Variants in FBXL17 observed in about 807,000 individuals in gnomAD.
The protein encoded by FBXL17 is F-box and leucine rich repeat protein 17.
FBXL17 carries 22 observed loss-of-function variants against 66.2 expected under a neutral mutation model. The observed-to-expected ratio is 0.33, with a 90% CI of 0.24 to 0.47. The LOEUF is 0.47. FBXL17 is among the 20% of genes least tolerant of loss of function. The probability of loss-of-function intolerance (pLI) is 1.00; values close to 1 mark genes in which losing one functional copy is unlikely to be tolerated. For missense variants in FBXL17, 878 were observed against 948.2 expected (o/e 0.93, Z 0.97); for synonymous variants, 474 against 400.5 (o/e 1.18, Z -2.19).
At chr5:107,928,285 C>T (rs1750601886) in intron 7 of FBXL17, among the ~76,000 whole-genome samples, 1 of 151,994 alleles carries the variant, frequency 6.6e-6, no homozygotes, top group Admixed American at 6.6e-5. Context: ...CTTTGACTAG[C>T]TTTGCAGGGA....
chr5:108,310,708 G>A (rs1270031931), intron 4 of FBXL17, among the ~76,000 whole-genome samples: 1 of 152,098 alleles, frequency 6.6e-6, no homozygotes, highest in Non-Finnish European at 1.5e-5. Flanking sequence ...AAAAACTGCA[G>A]GGCCCTTCTC....
chr5:107,950,129 G>A (rs1235126567), intron 7 of FBXL17, among the ~76,000 whole-genome samples: 1 of 152,074 alleles, frequency 6.6e-6, no homozygotes, highest in African/African-American at 2.4e-5. Flanking sequence ...AAAGGGAGAG[G>A]GTTGTTGAAG....
At chr5:108,076,699 A>T (rs1429102262) in intron 6 of FBXL17, among the ~76,000 whole-genome samples, 1 of 152,184 alleles carries the variant, frequency 6.6e-6, no homozygotes, top group Non-Finnish European at 1.5e-5. Flanking sequence ...CTACCTTAAT[A>T]CGGCAATGTC....
chr5:107,977,348 A>G (rs1427321240), intron 7 of FBXL17, among the ~76,000 whole-genome samples: 1 of 152,226 alleles, frequency 6.6e-6, no homozygotes, highest in Non-Finnish European at 1.5e-5. Context: ...TAATTTAATG[A>G]GTGCCCTACT....
chr5:107,906,876 T>C (rs1225111261), intron 7 of FBXL17, among the ~76,000 whole-genome samples: 1 of 152,204 alleles, frequency 6.6e-6, no homozygotes, highest in Non-Finnish European at 1.5e-5. Context: ...AGGTAGCTTA[T>C]AATACTACTG....
At chr5:107,898,128 G>T (rs886172142) in intron 7 of FBXL17, among the ~76,000 whole-genome samples, 1 of 152,160 alleles carries the variant, frequency 6.6e-6, no homozygotes, top group Non-Finnish European at 1.5e-5. Context: ...TGGCAGAAGG[G>T]TTCCCATTAC....
chr5:107,966,129 T>G (rs1282815084), intron 7 of FBXL17, among the ~76,000 whole-genome samples: 1 of 152,066 alleles, frequency 6.6e-6, no homozygotes, highest in Non-Finnish European at 1.5e-5. Context: ...AACTTTGGGG[T>G]ATTTGCCCTA....
intron 4 of FBXL17, among the ~76,000 whole-genome samples, chr5:108,293,860 G>A (rs1758223438): frequency 6.6e-6 from 1 of 151,544 alleles, no homozygotes; most frequent in South Asian, 2.1e-4. Flanking sequence ...GGCCAACGTG[G>A]TGAAACCCCA....
intron 6 of FBXL17, among the ~76,000 whole-genome samples, chr5:108,033,295 A>T (rs1198349929): frequency 1.3e-5 from 2 of 152,160 alleles, no homozygotes; most frequent in Non-Finnish European, 2.9e-5. Context: ...TTACTCCTAA[A>T]CACTTTAGCA....
At chr5:107,877,401 C>T (rs1022419069) in intron 8 of FBXL17, among the ~76,000 whole-genome samples, 12 of 152,130 alleles carry the variant, frequency 7.9e-5, no homozygotes, top group African/African-American at 2.4e-4. Flanking sequence ...CCAAGAGAGA[C>T]GGCGGGTGGG....
rs1756785394 is a variant in FBXL17 at position 108,260,817 on chromosome 5, CTT to C, written c.1507-36591_1507-36590del. Among the ~76,000 whole-genome samples, 4 of 152,120 alleles carry C rather than the reference CTT, an allele frequency of 2.6e-5. No individual in the cohort carries two copies. The South Asian group carries it at 6.2e-4, about 24-fold the overall frequency. ...TCCGCTCTGTGCCCAACTCCCAGGACTTTTGCACAAGTTTGCTATAGTCATTT... is the reference window on the plus strand; with the variant it reads ...TCCGCTCTGTGCCCAACTCCCAGGACTTGCACAAGTTTGCTATAGTCATTT... On this transcript the variant is annotated intron_variant, in intron 4 of 8. Coordinates refer to ENST00000542267, the MANE Select transcript of FBXL17 (RefSeq NM_001163315.3).
intron 7 of FBXL17, among the ~76,000 whole-genome samples, chr5:108,016,623 G>A (rs365981): frequency 0.18 from 26,899 of 151,814 alleles, 2,695 homozygotes; most frequent in South Asian, 0.44. Flanking sequence ...CATCCATCCC[G>A]TTCAGTACAC....
chr5:108,043,239 GT>G (rs1436656998), intron 6 of FBXL17, among the ~76,000 whole-genome samples: 5 of 152,126 alleles, frequency 3.3e-5, no homozygotes, highest in Non-Finnish European at 2.9e-5. Flanking sequence ...ATGAAATCCA[GT>G]TTGTCAATTT....
intron 7 of FBXL17, among the ~76,000 whole-genome samples, chr5:107,987,032 A>T (rs949399800): frequency 6.6e-6 from 1 of 152,070 alleles, no homozygotes; most frequent in Admixed American, 6.5e-5. Context: ...AAAATGTCAC[A>T]TAACTGAAAC....
At chr5:108,356,932 T>C (rs1258807676) in intron 3 of FBXL17, among the ~76,000 whole-genome samples, 2 of 152,160 alleles carry the variant, frequency 1.3e-5, no homozygotes, top group East Asian at 3.9e-4. Flanking sequence ...TAGGAGTATG[T>C]AGGAAATATG....
intron 6 of FBXL17, among the ~76,000 whole-genome samples, chr5:108,063,496 C>T (rs1561392337): frequency 6.6e-6 from 1 of 152,182 alleles, no homozygotes. Flanking sequence ...CAATCTCTCT[C>T]TGCTGCAGCT....
rs1191985921 is a variant in FBXL17, at chr5:108,380,887, C to A, written c.805G>T (p.Gly269Cys). The A allele has an allele frequency of 7.3e-6, 9 of 1,239,110 alleles. No individual in the cohort carries two copies. The Admixed American group carries it at 1.7e-4, about 23-fold the overall frequency. The allele number at this position is 1,239,110 out of a possible 1,614,324, so 76.8% of individuals were successfully genotyped here. A position where few individuals can be genotyped will look rare whatever the true frequency, so the allele number is the denominator to read the frequency against. ...CPPPSSPTSE[G>C]APTEAGGDAV... ...TCCCCGCCAGCTTCGGTGGGGGCAC[C>A]TTCGGAGGTGGGAGAAGAGGGCGGA... Residue 269 changes from glycine to cysteine, a missense_variant, in exon 1 of 9, where the codon GGT becomes TGT. By Grantham distance (159) the Gly-to-Cys change is radical (BLOSUM62 -3). Around this residue, in one of 4 missense-constraint regions of FBXL17, gnomAD observed 605 missense variants for 509.5 expected, o/e 1.19. Transcript: ENST00000542267.
At position 108,381,961 on chromosome 5, in the gene FBXL17, G is replaced by A. The variant is rs1385779607; in HGVS notation, c.-270C>T. Reference sequence around the variant, plus strand: ...TTTGGGGACGCGAGGGAGGGAGCGAGCGAGCCTGCCGGCTAGGCGACCAGT... The same window carrying A: ...TTTGGGGACGCGAGGGAGGGAGCGAACGAGCCTGCCGGCTAGGCGACCAGT... On this transcript the variant is annotated 5_prime_UTR_variant, in exon 1 of 9. Coordinates refer to ENST00000542267, the MANE Select transcript of FBXL17 (RefSeq NM_001163315.3). 29 of 1,231,836 alleles carry A rather than the reference G, an allele frequency of 2.4e-5. No individual in the cohort carries two copies. In the African/African-American group the frequency reaches 4.5e-4, roughly 19 times the overall value. The allele number at this position is 1,231,836 out of a possible 1,614,324, so 76.3% of individuals were successfully genotyped here. A position where few individuals can be genotyped will look rare whatever the true frequency, so the allele number is the denominator to read the frequency against.
chr5:108,247,039 C>A (rs1756131922), intron 4 of FBXL17, among the ~76,000 whole-genome samples: 1 of 152,074 alleles, frequency 6.6e-6, no homozygotes, highest in Non-Finnish European at 1.5e-5. Context: ...ATGTTCACCA[C>A]CAACTACATA....
Sources: allele counts gnomAD v4.1 joint callset (sites outside exome capture counted in the v4.1 genomes callset), GRCh38; gene constraint gnomAD v4.1.1; regional missense constraint gnomAD v4.1.1; transcripts MANE v1.5; gene names NCBI Gene and HGNC (gene_info 2026-07-23, HGNC 2026-07-21).